Variants in PXDNL observed in about 807,000 individuals in gnomAD.
PXDNL encodes the protein probable oxidoreductase PXDNL.
PXDNL carries 145 observed loss-of-function variants against 150.8 expected under a neutral mutation model. The observed-to-expected ratio is 0.96, with a 90% CI of 0.84 to 1.10. The LOEUF (loss-of-function observed/expected upper bound fraction) is 1.10. Ranked by LOEUF, PXDNL falls within the 50% of genes least tolerant of loss-of-function variation. The pLI, the probability that PXDNL is intolerant of heterozygous loss-of-function variation, is 0.00. For synonymous variants in PXDNL, 757 were observed against 725.7 expected, an observed-to-expected ratio of 1.04 and a Z score of -0.69; for missense variants, 2,087 against 1,873.9, an observed-to-expected ratio of 1.11 and a Z score of -2.10.
chr8:51,551,948 A>G (rs1812496809), intron 4 of PXDNL, among the ~76,000 whole-genome samples: 1 of 152,212 alleles, frequency 6.6e-6, no homozygotes, highest in South Asian at 2.1e-4. Flanking sequence ...TAACATCCAG[A>G]ATCTATAAGG....
At chr8:51,708,118 C>T (rs551311589) in intron 1 of PXDNL, among the ~76,000 whole-genome samples, 3 of 152,292 alleles carry the variant, frequency 2.0e-5, no homozygotes, top group Admixed American at 6.5e-5. Flanking sequence ...TGCCAGTCTC[C>T]TGTACTAGCT....
chr8:51,640,669 G>A (rs556325844), intron 2 of PXDNL, among the ~76,000 whole-genome samples: 5 of 152,246 alleles, frequency 3.3e-5, no homozygotes, highest in Non-Finnish European at 7.3e-5. Flanking sequence ...ACCTCTTCAA[G>A]GAGAACTACA....
chr8:51,476,565 C>T (rs1221368090), intron 6 of PXDNL, among the ~76,000 whole-genome samples: 1 of 150,550 alleles, frequency 6.6e-6, no homozygotes, highest in African/African-American at 2.5e-5. Context: ...ATTTTTCTGT[C>T]ACATTTTTCC....
chr8:51,398,292 G>A (rs1048245571), intron 17 of PXDNL, among the ~76,000 whole-genome samples: 8 of 152,232 alleles, frequency 5.3e-5, no homozygotes, highest in African/African-American at 1.4e-4. Context: ...TCCCAGTTCC[G>A]GAAAGCTGAA....
intron 2 of PXDNL, among the ~76,000 whole-genome samples, chr8:51,598,358 T>C (rs1220959164): frequency 6.6e-6 from 1 of 152,194 alleles, no homozygotes; most frequent in Non-Finnish European, 1.5e-5. Context: ...AGTATGATGT[T>C]GGCTGTGGGC....
At chr8:51,486,767 TATATATATATA>T (rs1810750822) in intron 5 of PXDNL, among the ~76,000 whole-genome samples, 1 of 9,314 alleles carries the variant, frequency 1.1e-4, no homozygotes, top group African/African-American at 2.5e-4. Context: ...TATATATATA[TATATATATATA>T]TATATATATA....
At chr8:51,535,271 A>G (rs1315151679) in intron 4 of PXDNL, among the ~76,000 whole-genome samples, 32 of 119,022 alleles carry the variant, frequency 2.7e-4, no homozygotes, top group Non-Finnish European at 4.7e-4. Context: ...TTTGTGGAAT[A>G]GAAAGGCGGG....
chr8:51,597,651 T>TTG (rs71550272), intron 2 of PXDNL, among the ~76,000 whole-genome samples: 2,629 of 149,884 alleles, frequency 0.018, 19 homozygotes, highest in African/African-American at 0.032. Flanking sequence ...CTCTAAGTAT[T>TTG]TGTGTGTGTG....
rs182118599 is a variant in PXDNL, at chr8:51,501,641, T to C, written c.381-1871A>G. Among the ~76,000 whole-genome samples the C allele has an allele frequency of 7.9e-5, 12 of 152,142 alleles. No homozygotes were observed. In the East Asian group the frequency reaches 1.9e-3, roughly 24 times the overall value. On this transcript the variant is annotated intron_variant, in intron 4 of 22. Transcript: ENST00000356297. ...TCATGCTCACACTCACACTGTCTCA[T>C]GTACACTAACACACTTTCACGCACT...
chr8:51,804,586 A>C (rs1479376867), intron 1 of PXDNL, among the ~76,000 whole-genome samples: 2 of 152,018 alleles, frequency 1.3e-5, no homozygotes, highest in Non-Finnish European at 2.9e-5. Flanking sequence ...AACTTTTCCC[A>C]TGTGCAGTAG....
chr8:51,441,887 C>T lies in PXDNL; in HGVS notation c.1525+5117G>A, dbSNP rs147162859. On this transcript the variant is annotated intron_variant, in intron 12 of 22. Transcript: ENST00000356297. ...ATCAGGGAATAGAGTACTGGGAGGA[C>T]TTCAATATGGCCTCTGAATAATACA... is the stretch of plus-strand genomic sequence containing the variant. Among the ~76,000 whole-genome samples, 52 of 152,206 alleles carry T rather than the reference C, an allele frequency of 3.4e-4. 1 individual carries two copies. Among genetic ancestry groups the T allele is most frequent in the African/African-American group, 1.2e-3 (49 of 41,524 alleles).
intron 1 of PXDNL, among the ~76,000 whole-genome samples, chr8:51,693,385 AC>A: frequency 6.6e-6 from 1 of 152,330 alleles, no homozygotes; most frequent in South Asian, 2.1e-4. Context: ...CATGAGAAAC[AC>A]TAGGTTTATG....
intron 1 of PXDNL, among the ~76,000 whole-genome samples, chr8:51,756,464 T>C (rs955060740): frequency 2.6e-5 from 4 of 151,780 alleles, no homozygotes; most frequent in East Asian, 3.9e-4. Flanking sequence ...ACAATACTTA[T>C]AAATTTTTTC....
intron 2 of PXDNL, among the ~76,000 whole-genome samples, chr8:51,608,730 G>C (rs981415286): frequency 2.1e-5 from 3 of 146,274 alleles, no homozygotes; most frequent in Non-Finnish European, 4.5e-5. Context: ...CCAGCTGCTC[G>C]GGAGGCTGAG....
intron 17 of PXDNL, among the ~76,000 whole-genome samples, chr8:51,396,167 G>GA (rs1263025311): frequency 4.0e-5 from 6 of 151,640 alleles, no homozygotes; most frequent in Non-Finnish European, 8.8e-5. Flanking sequence ...GGATGGGCTA[G>GA]ACGGGGAATG....
chr8:51,356,624 A>G (rs1169259627), intron 19 of PXDNL, among the ~76,000 whole-genome samples: 1 of 152,188 alleles, frequency 6.6e-6, no homozygotes, highest in Non-Finnish European at 1.5e-5. Context: ...AGAAAATTTG[A>G]AAATTTTTGC....
At chr8:51,382,027 G>T (rs894315238) in intron 17 of PXDNL, among the ~76,000 whole-genome samples, 1 of 152,036 alleles carries the variant, frequency 6.6e-6, no homozygotes, top group South Asian at 2.1e-4. Context: ...GTGCAGAGAC[G>T]GGGTTTCACC....
At chr8:51,339,824 A>C in intron 20 of PXDNL, 71 bp from the exon 21 acceptor site, 2 of 1,493,824 alleles carry the variant, frequency 1.3e-6, no homozygotes, top group Admixed American at 3.8e-5. Flanking sequence ...ATATCATCAA[A>C]TCTTCTTTGG....
intron 12 of PXDNL, among the ~76,000 whole-genome samples, chr8:51,431,085 A>C (rs1055027924): frequency 6.6e-6 from 1 of 152,152 alleles, no homozygotes; most frequent in African/African-American, 2.4e-5. Flanking sequence ...CAATCCATAC[A>C]ACCATTCTTA....
Sources: gnomAD v4.1 joint callset for allele counts (sites outside exome capture counted in the v4.1 genomes callset) on GRCh38, gnomAD v4.1.1 for gene constraint, MANE v1.5 for transcripts, NCBI Gene and HGNC (gene_info 2026-07-23, HGNC 2026-07-21) for gene names.